Variants in FUS observed in about 807,000 individuals in gnomAD.
FUS encodes the protein FUS RNA binding protein.
A neutral mutation model predicts 82.7 loss-of-function variants in FUS; 5 were observed. The ratio of observed to expected loss-of-function variants is 0.06; its 90% CI spans 0.03 to 0.13. FUS has a LOEUF of 0.13. FUS is among the 10% of genes least tolerant of loss of function. The probability of loss-of-function intolerance (pLI) is 1.00; values close to 1 mark genes in which losing one functional copy is unlikely to be tolerated. For missense variants in FUS, 512 were observed against 707.8 expected, an observed-to-expected ratio of 0.72 and a Z score of 3.14; for synonymous variants, 281 against 247.4, an observed-to-expected ratio of 1.14 and a Z score of -1.27.
chr16:31,183,650 G>T (rs889440249), intron 3 of FUS: 1 of 605,054 alleles, frequency 1.7e-6, no homozygotes, highest in Non-Finnish European at 2.9e-6. Flanking sequence ...GGGTGAAATT[G>T]GAACTGTACT....
intron 6 of FUS, chr16:31,186,484 C>A (rs576178927): frequency 1.9e-5 from 9 of 465,952 alleles, no homozygotes; most frequent in East Asian, 1.5e-4. Context: ...CAACCACTTG[C>A]GACAAGAGGA....
chr16:31,193,356 G>A (rs767252824), downstream of FUS: 2 of 525,176 alleles, frequency 3.8e-6, no homozygotes, highest in East Asian at 4.1e-5. Flanking sequence ...CTTAGTACAT[G>A]TAGAGGATGT....
intron 8 of FUS, 159 bp from the exon 9 acceptor site, chr16:31,188,964 C>T (rs2079312583): frequency 6.1e-6 from 4 of 661,096 alleles, no homozygotes; most frequent in African/African-American, 1.8e-5. Context: ...ATCAGCATGG[C>T]TGGCATATAG....
downstream of FUS, chr16:31,192,671 C>T (rs774849908): frequency 1.3e-4 from 62 of 481,982 alleles, 1 homozygote; most frequent in South Asian, 9.3e-4. Flanking sequence ...AGCGATTCTC[C>T]TGCCTCAGGA....
chr16:31,193,647 G>GT (rs763437460), downstream of FUS: 3 of 530,440 alleles, frequency 5.7e-6, no homozygotes, highest in South Asian at 1.5e-5. Context: ...CCAGGTGACT[G>GT]TTTAGTGGGT....
chr16:31,180,251 G>A, intron 1 of FUS, 24 bp downstream of exon 1: 4 of 1,605,266 alleles, frequency 2.5e-6, no homozygotes, highest in Non-Finnish European at 3.4e-6. Flanking sequence ...CGAGGCGACG[G>A]CGGCGGCGCA....
intron 1 of FUS, among the ~76,000 whole-genome samples, chr16:31,181,223 C>CT (rs1325609701): frequency 1.3e-5 from 2 of 152,162 alleles, no homozygotes; most frequent in Non-Finnish European, 2.9e-5. Flanking sequence ...GTCTAAATTT[C>CT]TTTTTTCTGA....
chr16:31,191,941 C>T (rs921624631), downstream of FUS: 3 of 533,766 alleles, frequency 5.6e-6, no homozygotes, highest in East Asian at 3.9e-5. Context: ...ATCTTTTGGC[C>T]CTTTTAATGG....
intron 7 of FUS, chr16:31,188,079 C>T (rs1015375343): frequency 5.3e-6 from 3 of 571,426 alleles, no homozygotes; most frequent in African/African-American, 3.8e-5. Flanking sequence ...GCAGCATTTG[C>T]TGAAGTGTGG....
downstream of FUS, chr16:31,194,252 C>A (rs1396890081): frequency 5.7e-6 from 3 of 530,570 alleles, no homozygotes; most frequent in Admixed American, 4.5e-5. Flanking sequence ...ACTCACTGAT[C>A]TACCTTTAGG....
At chr16:31,188,789 G>T (rs1263672626) in intron 8 of FUS, 2 of 467,812 alleles carry the variant, frequency 4.3e-6, no homozygotes, top group African/African-American at 3.9e-5. Flanking sequence ...AATGTAAAAT[G>T]GGTTTCTTAT....
chr16:31,190,637 C>T (rs2079340632), intron 12 of FUS, 105 bp from the exon 13 acceptor site: 3 of 1,257,496 alleles, frequency 2.4e-6, no homozygotes, highest in Admixed American at 3.4e-5. Context: ...CTTTCTGAAG[C>T]TTCAGTTTCC....
intron 4 of FUS, 86 bp downstream of exon 4, chr16:31,184,088 C>G: frequency 6.2e-7 from 1 of 1,612,162 alleles, no homozygotes; most frequent in Non-Finnish European, 8.5e-7. Flanking sequence ...AGGAGCAGTT[C>G]AGAGGTGTAA....
At chr16:31,186,696 T>C in intron 6 of FUS, 106 bp from the exon 7 acceptor site, 1 of 1,085,720 alleles carries the variant, frequency 9.2e-7, no homozygotes, top group South Asian at 1.3e-5. Flanking sequence ...TGTATCTTTT[T>C]CCAAAAACAC....
intron 5 of FUS, 136 bp downstream of exon 5, chr16:31,184,532 C>T: frequency 2.2e-6 from 2 of 917,182 alleles, no homozygotes; most frequent in South Asian, 3.0e-5. Flanking sequence ...CAAGCTCCGC[C>T]TTCCGGGTTC....
chr16:31,180,558 C>A (rs1190063875), intron 1 of FUS, among the ~76,000 whole-genome samples: 2 of 152,220 alleles, frequency 1.3e-5, no homozygotes, highest in African/African-American at 4.8e-5. Flanking sequence ...AACTCCCGGC[C>A]CCGCGCTCGA....
chr16:31,186,990 G>A, intron 7 of FUS, 154 bp downstream of exon 7: 1 of 747,270 alleles, frequency 1.3e-6, no homozygotes, highest in Admixed American at 2.0e-5. Context: ...GCCACCTGTT[G>A]CCTGGTGTGT....
chr16:31,184,900 TTTG>T, intron 5 of FUS, 36 bp from the exon 6 acceptor site: 3 of 1,605,226 alleles, frequency 1.9e-6, no homozygotes, highest in Non-Finnish European at 2.6e-6. Context: ...TTACAATCTT[TTTG>T]TTTTTTTTTT....
chr16:31,181,656 A>G (rs1414148479), intron 1 of FUS, among the ~76,000 whole-genome samples: 2 of 152,310 alleles, frequency 1.3e-5, no homozygotes, highest in South Asian at 2.1e-4. Flanking sequence ...AGAGGCCACA[A>G]TCTGAACACT....
Sources: gnomAD v4.1 joint callset for allele counts (sites outside exome capture counted in the v4.1 genomes callset) on GRCh38, gnomAD v4.1.1 for gene constraint, MANE v1.5 for transcripts, NCBI Gene and HGNC (gene_info 2026-07-23, HGNC 2026-07-21) for gene names.